KCNB2: variants seen among roughly 807,000 people sequenced by gnomAD.
KCNB2 encodes potassium voltage-gated channel subfamily B member 2.
KCNB2 carries 15 observed loss-of-function variants against 61.5 expected under a neutral mutation model. The ratio of observed to expected loss-of-function variants is 0.24; its 90% CI spans 0.16 to 0.38. KCNB2 has a LOEUF of 0.38. Ranked by LOEUF, KCNB2 falls within the 10% of genes least tolerant of loss-of-function variation. The probability of loss-of-function intolerance (pLI) is 1.00; values close to 1 mark genes in which losing one functional copy is unlikely to be tolerated. For synonymous variants in KCNB2, 457 were observed against 446.0 expected (o/e 1.02, Z -0.31); for missense variants, 828 against 1,125.2 (o/e 0.74, Z 3.78).
chr8:72,775,437 C>T (rs986857010), intron 2 of KCNB2, among the ~76,000 whole-genome samples: 1 of 152,140 alleles, frequency 6.6e-6, no homozygotes, highest in African/African-American at 2.4e-5. Context: ...CAAGGAATTC[C>T]TTCAGAATAG....
At chr8:72,589,046 A>G (rs1329260497) in intron 2 of KCNB2, among the ~76,000 whole-genome samples, 2 of 152,200 alleles carry the variant, frequency 1.3e-5, no homozygotes, top group Non-Finnish European at 2.9e-5. Flanking sequence ...AGGCAGCAGT[A>G]CAAAAACTTG....
intron 2 of KCNB2, among the ~76,000 whole-genome samples, chr8:72,826,000 CT>C (rs1470365891): frequency 6.6e-6 from 1 of 151,402 alleles, no homozygotes; most frequent in Non-Finnish European, 1.5e-5. Flanking sequence ...TTTCCATTAC[CT>C]TTTCTTTTAA....
At chr8:72,819,283 C>T (rs1809453137) in intron 2 of KCNB2, among the ~76,000 whole-genome samples, 1 of 152,060 alleles carries the variant, frequency 6.6e-6, no homozygotes, top group African/African-American at 2.4e-5. Flanking sequence ...CAGCAACCGG[C>T]CCAGAGCTAA....
intron 2 of KCNB2, among the ~76,000 whole-genome samples, chr8:72,736,830 C>T (rs1261368220): frequency 6.6e-6 from 1 of 152,088 alleles, no homozygotes; most frequent in Non-Finnish European, 1.5e-5. Context: ...TCTACTGCAG[C>T]GGACCTCAAC....
At chr8:72,860,594 A>G (rs1321087552) in intron 2 of KCNB2, among the ~76,000 whole-genome samples, 1 of 152,236 alleles carries the variant, frequency 6.6e-6, no homozygotes, top group Non-Finnish European at 1.5e-5. Context: ...GTTTCTGCTC[A>G]CATCTATAAA....
At chr8:72,803,701 G>A (rs1809166088) in intron 2 of KCNB2, among the ~76,000 whole-genome samples, 1 of 152,166 alleles carries the variant, frequency 6.6e-6, no homozygotes, top group Non-Finnish European at 1.5e-5. Flanking sequence ...GATTAGTTTT[G>A]GCCTAAGGGC....
chr8:72,715,252 C>T (rs551085920), intron 2 of KCNB2, among the ~76,000 whole-genome samples: 24 of 152,250 alleles, frequency 1.6e-4, no homozygotes, highest in East Asian at 9.7e-4. Context: ...CACAGATCAA[C>T]GAGACAGAAC....
At chr8:72,840,360 G>T (rs1427855083) in intron 2 of KCNB2, among the ~76,000 whole-genome samples, 1 of 152,158 alleles carries the variant, frequency 6.6e-6, no homozygotes, top group African/African-American at 2.4e-5. Context: ...GAATAGTGCT[G>T]CAATAAACAT....
At chr8:72,814,193 G>T (rs937297075) in intron 2 of KCNB2, among the ~76,000 whole-genome samples, 3 of 152,084 alleles carry the variant, frequency 2.0e-5, no homozygotes, top group African/African-American at 7.2e-5. Context: ...AATTATCATT[G>T]CTGTATAAGT....
At chr8:72,666,115 A>G (rs1585816656) in intron 2 of KCNB2, among the ~76,000 whole-genome samples, 1 of 152,190 alleles carries the variant, frequency 6.6e-6, no homozygotes, top group Non-Finnish European at 1.5e-5. Flanking sequence ...AGACTACTTG[A>G]CACTATGAAC....
intron 2 of KCNB2, among the ~76,000 whole-genome samples, chr8:72,656,647 A>G (rs1316834347): frequency 2.0e-5 from 3 of 152,162 alleles, no homozygotes; most frequent in African/African-American, 7.2e-5. Flanking sequence ...GGTTTTCACA[A>G]TTTGGTCGTT....
intron 1 of KCNB2, among the ~76,000 whole-genome samples, chr8:72,556,526 A>G (rs184556527): frequency 0.013 from 1,909 of 152,258 alleles, 28 homozygotes; most frequent in African/African-American, 0.043. Flanking sequence ...TGGTGTCTAT[A>G]GTTCAGGGAA....
intron 2 of KCNB2, among the ~76,000 whole-genome samples, chr8:72,844,092 G>C (rs886130937): frequency 6.6e-6 from 1 of 152,138 alleles, no homozygotes; most frequent in African/African-American, 2.4e-5. Flanking sequence ...TCCTTTCCAC[G>C]TTTAGTGCTT....
intron 2 of KCNB2, among the ~76,000 whole-genome samples, chr8:72,753,993 A>G (rs1808244688): frequency 6.6e-6 from 1 of 152,120 alleles, no homozygotes; most frequent in Non-Finnish European, 1.5e-5. Flanking sequence ...CAGTTCAGGT[A>G]CTGCCCATGT....
intron 2 of KCNB2, among the ~76,000 whole-genome samples, chr8:72,771,409 C>T (rs1374440974): frequency 6.6e-6 from 1 of 152,070 alleles, no homozygotes; most frequent in Non-Finnish European, 1.5e-5. Flanking sequence ...CATCAACTTT[C>T]AAAATTGTAT....
intron 2 of KCNB2, among the ~76,000 whole-genome samples, chr8:72,646,565 A>C (rs1806132020): frequency 6.6e-6 from 1 of 152,212 alleles, no homozygotes; most frequent in Non-Finnish European, 1.5e-5. Flanking sequence ...AAGTGCTGAC[A>C]TATGCTACAA....
chr8:72,886,168 T>C (rs1465393801), intron 2 of KCNB2, among the ~76,000 whole-genome samples: 1 of 152,198 alleles, frequency 6.6e-6, no homozygotes, highest in East Asian at 1.9e-4. Context: ...GTGTACCTAC[T>C]ACTGTGCTTC....
intron 2 of KCNB2, among the ~76,000 whole-genome samples, chr8:72,631,054 C>T (rs1361413355): frequency 6.6e-6 from 1 of 152,056 alleles, no homozygotes; most frequent in African/African-American, 2.4e-5. Flanking sequence ...ATAAATTAGG[C>T]ACAATAAGAG....
intron 2 of KCNB2, among the ~76,000 whole-genome samples, chr8:72,675,622 C>T (rs934517042): frequency 5.3e-5 from 8 of 151,838 alleles, no homozygotes; most frequent in Admixed American, 3.9e-4. Flanking sequence ...AGCGTGATCT[C>T]GGCTCACTGC....
Sources: gnomAD v4.1 joint callset for allele counts (sites outside exome capture counted in the v4.1 genomes callset) on GRCh38, gnomAD v4.1.1 for gene constraint, MANE v1.5 for transcripts, NCBI Gene and HGNC (gene_info 2026-07-23, HGNC 2026-07-21) for gene names.